WDR47: variants seen among roughly 807,000 people sequenced by gnomAD.
The protein encoded by WDR47 is WD repeat domain 47, also known as WD repeat-containing protein 47.
A neutral mutation model predicts 97.2 loss-of-function variants in WDR47; 32 were observed. The ratio of observed to expected loss-of-function variants is 0.33; its 90% CI spans 0.25 to 0.44. WDR47 has a LOEUF of 0.44. WDR47 is among the 20% of genes least tolerant of loss of function. The pLI is 1.00. For missense variants in WDR47, 782 were observed against 1,102.3 expected (o/e 0.71, Z 4.11); for synonymous variants, 375 against 373.5 (o/e 1.00, Z -0.05).
intron 9 of WDR47, among the ~76,000 whole-genome samples, chr1:108,989,567 G>T (rs934788178): frequency 6.6e-6 from 1 of 152,164 alleles, no homozygotes; most frequent in African/African-American, 2.4e-5. Flanking sequence ...TAATAGCATG[G>T]GGTAGATAAG....
intron 13 of WDR47, among the ~76,000 whole-genome samples, chr1:108,977,289 T>A (rs1657984964): frequency 6.6e-6 from 1 of 151,956 alleles, no homozygotes; most frequent in Admixed American, 6.6e-5. Flanking sequence ...GTAGCTGGGA[T>A]TACAGGCGCC....
chr1:109,039,923 C>T (rs1663227883), intron 1 of WDR47, among the ~76,000 whole-genome samples: 1 of 150,852 alleles, frequency 6.6e-6, no homozygotes, highest in African/African-American at 2.4e-5. Flanking sequence ...GTAATCCCAG[C>T]TACTTGGGAG....
At position 109,011,204 on chromosome 1, in the gene WDR47, G is replaced by A. The variant is rs1251002881; in HGVS notation, c.842C>T (p.Ala281Val). The A allele has an allele frequency of 6.2e-7, 1 of 1,614,126 alleles. No homozygotes were observed. Among genetic ancestry groups the A allele is most frequent in the Non-Finnish European group, 8.5e-7 (1 of 1,180,024 alleles). Reference protein sequence around the residue: ...KLLKPTKAAYADLLTPLISKL... With the variant: ...KLLKPTKAAYVDLLTPLISKL... ...GCTGATAAGAGGAGTCAAAAGATCA[G>A]CATATGCAGCTTTTGTAGGTTTCAG... is the stretch of plus-strand genomic sequence containing the variant. Residue 281 changes from alanine (A) to valine (V), a missense_variant, in exon 5 of 15, where the codon GCT (alanine) becomes GTT (valine). Transcript: ENST00000369962.
chr1:109,013,425 T>C (rs763102029), intron 4 of WDR47, among the ~76,000 whole-genome samples: 16 of 151,778 alleles, frequency 1.1e-4, no homozygotes, highest in Admixed American at 3.3e-4. Context: ...TAAATTTAAA[T>C]AGTCATGAAG....
At chr1:109,030,610 TTCCAA>T (rs1662553196) in intron 1 of WDR47, among the ~76,000 whole-genome samples, 1 of 143,814 alleles carries the variant, frequency 7.0e-6, no homozygotes, top group African/African-American at 2.5e-5. Context: ...CTCTTTAATC[TTCCAA>T]GTATTACAGA....
intron 9 of WDR47, among the ~76,000 whole-genome samples, chr1:108,987,964 G>A (rs534795590): frequency 4.6e-5 from 7 of 151,722 alleles, no homozygotes; most frequent in East Asian, 1.9e-4. Flanking sequence ...GGCCAGGCAC[G>A]GTGGCTCATG....
At chr1:109,006,557 A>G (rs1660638011) in intron 5 of WDR47, among the ~76,000 whole-genome samples, 1 of 152,234 alleles carries the variant, frequency 6.6e-6, no homozygotes, top group Non-Finnish European at 1.5e-5. Context: ...TTAATTTTGC[A>G]ACGTATACAG....
chr1:109,022,073 C>G (rs1452402348), intron 2 of WDR47, among the ~76,000 whole-genome samples: 2 of 152,132 alleles, frequency 1.3e-5, no homozygotes, highest in Admixed American at 1.3e-4. Context: ...GTCTCAAACT[C>G]CTGACCTCAG....
At chr1:108,976,884 C>G (rs183960237) in intron 13 of WDR47, among the ~76,000 whole-genome samples, 1 of 152,200 alleles carries the variant, frequency 6.6e-6, no homozygotes, top group East Asian at 1.9e-4. Flanking sequence ...TGAGGTGAGA[C>G]TAGAAGGGTA....
At chr1:109,036,534 CA>C (rs34246298) in intron 1 of WDR47, among the ~76,000 whole-genome samples, 60 of 120,876 alleles carry the variant, frequency 5.0e-4, no homozygotes, top group Middle Eastern at 5.6e-3. Context: ...GACTCCGTCT[CA>C]AAAAAAAAAA....
chr1:108,976,369 AG>A (rs758519987), intron 13 of WDR47, among the ~76,000 whole-genome samples: 2 of 149,448 alleles, frequency 1.3e-5, no homozygotes, highest in Non-Finnish European at 3.0e-5. Context: ...ACTAGGGAAG[AG>A]GAAAAAAAAA....
Position 108,981,591 on chromosome 1 carries a change from T to C in WDR47, c.2398+142A>G, listed in dbSNP as rs1658351985. On this transcript the variant is annotated intron_variant, in intron 13 of 14. Coordinates refer to ENST00000369962, the MANE Select transcript of WDR47 (RefSeq NM_001142551.2). ...AATAAGGTAACAAATGCAAGTATTGTGAAAGAACTGAAAGTAACTAATAAA... is the reference window on the plus strand; with the variant it reads ...AATAAGGTAACAAATGCAAGTATTGCGAAAGAACTGAAAGTAACTAATAAA... The C allele has an allele frequency of 9.9e-6, 8 of 806,374 alleles. No individual in the cohort carries two copies. In the South Asian group the frequency reaches 1.5e-4, roughly 15 times the overall value. 50.0% of individuals were successfully genotyped at this position (806,374 alleles called of 1,614,324 possible).
intron 4 of WDR47, among the ~76,000 whole-genome samples, chr1:109,013,061 C>T (rs1171969142): frequency 6.6e-6 from 1 of 152,038 alleles, no homozygotes; most frequent in Non-Finnish European, 1.5e-5. Context: ...ATGCTCAGCC[C>T]TCGTGAATTA....
chr1:109,000,179 C>G (rs1190277696), intron 7 of WDR47, among the ~76,000 whole-genome samples: 2 of 151,810 alleles, frequency 1.3e-5, no homozygotes, highest in East Asian at 3.9e-4. Flanking sequence ...CCACTGCACT[C>G]CAGCCTAACA....
intron 8 of WDR47, among the ~76,000 whole-genome samples, chr1:108,994,709 C>T (rs1659625629): frequency 6.6e-6 from 1 of 151,972 alleles, no homozygotes; most frequent in South Asian, 2.1e-4. Flanking sequence ...TCTTTTGAAA[C>T]CATGTATGTA....
chr1:108,986,017 CCT>C lies in WDR47; in HGVS notation c.1925+504_1925+505del, dbSNP rs1387843245. ...ATGCAAATAAATGAAAAATCCCACC[CCT>C]GTTTCTCAAACTAGGGTTATAATTA... On this transcript the variant is annotated intron_variant, in intron 10 of 14. Coordinates refer to ENST00000369962, the MANE Select transcript of WDR47 (RefSeq NM_001142551.2). Among the ~76,000 whole-genome samples the C allele has an allele frequency of 6.0e-5, 9 of 151,210 alleles. No homozygotes were observed. In the East Asian group the frequency reaches 1.4e-3, roughly 23 times the overall value.
At chr1:108,991,847 G>C (rs973731915) in intron 8 of WDR47, among the ~76,000 whole-genome samples, 6 of 151,882 alleles carry the variant, frequency 4.0e-5, no homozygotes, top group Non-Finnish European at 7.4e-5. Context: ...AAATATAATA[G>C]AGACGGGGTC....
At chr1:109,032,672 G>A (rs567127108) in intron 1 of WDR47, among the ~76,000 whole-genome samples, 6 of 151,652 alleles carry the variant, frequency 4.0e-5, no homozygotes, top group African/African-American at 1.2e-4. Flanking sequence ...CCAGGTGGGC[G>A]GATCACTTGA....
intron 2 of WDR47, among the ~76,000 whole-genome samples, chr1:109,022,662 G>A (rs915802607): frequency 2.6e-5 from 4 of 152,044 alleles, no homozygotes; most frequent in African/African-American, 4.8e-5. Context: ...TCAGCTCACT[G>A]GAACCTCCGT....
Sources: allele counts gnomAD v4.1 joint callset (sites outside exome capture counted in the v4.1 genomes callset), GRCh38; gene constraint gnomAD v4.1.1; transcripts MANE v1.5; gene names NCBI Gene and HGNC (gene_info 2026-07-23, HGNC 2026-07-21).